SIL1: variants seen among roughly 807,000 people sequenced by gnomAD.
The protein encoded by SIL1 is SIL1 nucleotide exchange factor, also known as nucleotide exchange factor SIL1.
A neutral mutation model predicts 49.1 loss-of-function variants in SIL1; 40 were observed. The ratio of observed to expected loss-of-function variants is 0.81; its 90% CI spans 0.63 to 1.06. The LOEUF (loss-of-function observed/expected upper bound fraction) is 1.06. SIL1 is among the 50% of genes least tolerant of loss of function. SIL1 has a pLI of 0.00. For missense variants in SIL1, 500 were observed against 572.6 expected (o/e 0.87, Z 1.29); for synonymous variants, 253 against 250.8 (o/e 1.01, Z -0.08).
chr5:139,042,518 C>T (rs1363482687), intron 5 of SIL1, 102 bp downstream of exon 5: 1 of 952,694 alleles, frequency 1.0e-6, no homozygotes, highest in Non-Finnish European at 1.7e-6. Context: ...ATATTGTTAT[C>T]CCATGTTTAT....
In SIL1 at chr5:138,948,268, G is replaced by A. The variant is rs1189840944; in HGVS notation, c.1030-795C>T. On this transcript the variant is annotated intron_variant, in intron 9 of 9. Coordinates refer to ENST00000394817, the MANE Select transcript of SIL1 (RefSeq NM_022464.5). The surrounding 1 kb of genome is among the most constrained non-coding windows in gnomAD (Gnocchi z 4.8). Reference sequence around the variant, plus strand: ...ATTGGGGCTGGCAGAGGAAACTGAGGAGGGGTGCAATCCTGCATCCTGGGA... The same window carrying A: ...ATTGGGGCTGGCAGAGGAAACTGAGAAGGGGTGCAATCCTGCATCCTGGGA... Among the ~76,000 whole-genome samples, 1 of 152,192 alleles carries A rather than the reference G, an allele frequency of 6.6e-6. No homozygotes were observed. Among genetic ancestry groups the A allele is most frequent in the East Asian group, 1.9e-4 (1 of 5,200 alleles).
chr5:138,951,265 C>CT lies in SIL1; in HGVS notation c.934_935insA (p.Gly312GlufsTer40). On this transcript the variant is annotated frameshift_variant, in exon 9 of 10. Coordinates refer to ENST00000394817, the MANE Select transcript of SIL1 (RefSeq NM_022464.5). LOFTEE classifies it high-confidence loss of function. Reference sequence around the variant, plus strand: ...CACCAGGGTCCTCAGGACCTGCAGCCCCCCGAGCTTCAGGAACTGCCGCTG... The same window carrying CT: ...CACCAGGGTCCTCAGGACCTGCAGCCTCCCCGAGCTTCAGGAACTGCCGCTG... 6.3e-7 allele frequency: 1 copy of CT among 1,586,652 alleles called. No homozygotes were observed. The highest frequency in any genetic ancestry group is 8.6e-7 in the Non-Finnish European group (1 of 1,165,814).
intron 5 of SIL1, among the ~76,000 whole-genome samples, chr5:139,032,470 C>T (rs1266461449): frequency 6.6e-6 from 1 of 152,096 alleles, no homozygotes; most frequent in Non-Finnish European, 1.5e-5. Context: ...ATTTGATTGG[C>T]TAAATTTTGG....
At chr5:139,086,736 G>A (rs1308667690) in intron 3 of SIL1, among the ~76,000 whole-genome samples, 2 of 151,340 alleles carry the variant, frequency 1.3e-5, no homozygotes, top group African/African-American at 4.8e-5. Context: ...GGCTGAGGTG[G>A]ATCACTTGAG....
chr5:138,993,824 C>G (rs1767806964), intron 7 of SIL1, among the ~76,000 whole-genome samples: 1 of 152,218 alleles, frequency 6.6e-6, no homozygotes, highest in African/African-American at 2.4e-5. Context: ...CTAGCTCCAG[C>G]TGACACCTTG....
chr5:139,084,633 G>C (rs1231034293), intron 3 of SIL1, among the ~76,000 whole-genome samples: 6 of 122,198 alleles, frequency 4.9e-5, no homozygotes, highest in Non-Finnish European at 8.4e-5. Flanking sequence ...GGGAACTGTG[G>C]TGGGGTCGGG....
At chr5:138,968,976 T>C (rs1488831988) in intron 7 of SIL1, among the ~76,000 whole-genome samples, 2 of 152,122 alleles carry the variant, frequency 1.3e-5, no homozygotes, top group East Asian at 1.9e-4. Context: ...TGGGTCCTCC[T>C]CACTGCATAT....
chr5:138,951,295 T>A lies in SIL1; in HGVS notation c.905A>T (p.Tyr302Phe). 3.2e-6 allele frequency: 5 copies of A among 1,566,952 alleles called. No homozygotes were observed. Among genetic ancestry groups the A allele is most frequent in the Non-Finnish European group, 3.5e-6 (4 of 1,155,288 alleles). ...GAGCTTCAGGAACTGCCGCTGGGCA[T>A]AGGGGAAGTGGCGCAGCAGGGAGCA... ...ALCSLLRHFPYAQRQFLKLGG... is the reference protein window; with the variant it reads ...ALCSLLRHFPFAQRQFLKLGG... Residue 302 changes from tyrosine (Y) to phenylalanine (F), a missense_variant, in exon 9 of 10, where the codon TAT becomes TTT. Coordinates refer to ENST00000394817, the MANE Select transcript of SIL1 (RefSeq NM_022464.5).
chr5:139,061,312 T>C (rs1769583334), intron 3 of SIL1, among the ~76,000 whole-genome samples: 1 of 152,200 alleles, frequency 6.6e-6, no homozygotes, highest in African/African-American at 2.4e-5. Flanking sequence ...CATGGTGCTC[T>C]TGGGTCTGCC....
chr5:139,016,440 T>C (rs768323620), intron 7 of SIL1, among the ~76,000 whole-genome samples: 1 of 152,218 alleles, frequency 6.6e-6, no homozygotes, highest in East Asian at 1.9e-4. Context: ...CACAGTGAGG[T>C]TGGATTCGAA....
At chr5:138,984,404 G>A (rs549512857) in intron 7 of SIL1, among the ~76,000 whole-genome samples, 2 of 150,588 alleles carry the variant, frequency 1.3e-5, no homozygotes, top group South Asian at 4.3e-4. Flanking sequence ...TGTCACCCAG[G>A]CTGGAGTGCA....
chr5:139,170,331 G>A (rs879344348), intron 1 of SIL1, among the ~76,000 whole-genome samples: 4 of 149,456 alleles, frequency 2.7e-5, no homozygotes, highest in East Asian at 2.1e-4. Context: ...GCCGCCCATC[G>A]TGTGGGACGT....
At chr5:139,129,618 G>A (rs1459270855) in intron 1 of SIL1, among the ~76,000 whole-genome samples, 2 of 152,240 alleles carry the variant, frequency 1.3e-5, no homozygotes, top group African/African-American at 4.8e-5. Flanking sequence ...CTTGCAGTGA[G>A]CCGAGATCAC....
At chr5:138,967,685 C>T (rs557945832) in intron 7 of SIL1, among the ~76,000 whole-genome samples, 1 of 152,208 alleles carries the variant, frequency 6.6e-6, no homozygotes, top group South Asian at 2.1e-4. Context: ...GTCACAACGA[C>T]AAAAAATACA....
chr5:139,176,497 T>C (rs1009911651), intron 1 of SIL1, among the ~76,000 whole-genome samples: 3 of 152,182 alleles, frequency 2.0e-5, no homozygotes, highest in African/African-American at 7.2e-5. Flanking sequence ...CTTAGTCCAC[T>C]CAGGCTGCTA....
chr5:138,998,239 G>T (rs1485530785), intron 7 of SIL1, among the ~76,000 whole-genome samples: 1 of 152,128 alleles, frequency 6.6e-6, no homozygotes, highest in African/African-American at 2.4e-5. Context: ...GAGTGTGGTG[G>T]TGTGATCACA....
chr5:138,959,971 C>T (rs1013325980), intron 7 of SIL1, among the ~76,000 whole-genome samples: 1 of 152,082 alleles, frequency 6.6e-6, no homozygotes, highest in African/African-American at 2.4e-5. Context: ...CACAGGGCTT[C>T]GATTTTATTC....
intron 1 of SIL1, among the ~76,000 whole-genome samples, chr5:139,153,443 T>A (rs1187685289): frequency 6.6e-6 from 1 of 152,204 alleles, no homozygotes; most frequent in Non-Finnish European, 1.5e-5. Flanking sequence ...TCATTCTGCC[T>A]AACTAGCTCA....
At chr5:139,075,897 G>GA (rs1420832494) in intron 3 of SIL1, among the ~76,000 whole-genome samples, 1 of 152,132 alleles carries the variant, frequency 6.6e-6, no homozygotes, top group Non-Finnish European at 1.5e-5. Context: ...ATTTTCCCAG[G>GA]AAAGAGGCAC....
Sources: allele counts gnomAD v4.1 joint callset (sites outside exome capture counted in the v4.1 genomes callset), GRCh38; gene constraint gnomAD v4.1.1; non-coding constraint Gnocchi (gnomAD v3.1); transcripts MANE v1.5; gene names NCBI Gene and HGNC (gene_info 2026-07-23, HGNC 2026-07-21).